HMGCLL1: variants seen among roughly 807,000 people sequenced by gnomAD.
HMGCLL1 encodes 3-hydroxy-3-methylglutaryl-CoA lyase like 1.
A neutral mutation model predicts 39.1 loss-of-function variants in HMGCLL1; 36 were observed. That is an observed-to-expected ratio of 0.92 (90% CI 0.71 to 1.22). The LOEUF (loss-of-function observed/expected upper bound fraction) is 1.22. HMGCLL1 is among the 50% of genes most tolerant of loss of function. The pLI, the probability that HMGCLL1 is intolerant of heterozygous loss-of-function variation, is 0.00. For missense variants in HMGCLL1, 451 were observed against 416.5 expected (o/e 1.08, Z -0.72); for synonymous variants, 149 against 144.0 (o/e 1.03, Z -0.25).
the HMGCLL1 span, among the ~76,000 whole-genome samples, chr6:55,645,970 A>G: frequency 6.6e-6 from 1 of 151,876 alleles, no homozygotes; most frequent in African/African-American, 2.4e-5. Context: ...TACAATTGGC[A>G]TTAGTTCTTC....
the HMGCLL1 span, among the ~76,000 whole-genome samples, chr6:55,667,690 C>A: frequency 6.6e-6 from 1 of 151,744 alleles, no homozygotes; most frequent in East Asian, 1.9e-4. Flanking sequence ...ATTCTAAGCA[C>A]AACTGGAGAG....
intron 7 of HMGCLL1, among the ~76,000 whole-genome samples, chr6:55,486,743 C>T (rs1461089218): frequency 6.6e-6 from 1 of 152,046 alleles, no homozygotes; most frequent in Non-Finnish European, 1.5e-5. Context: ...TTATCTCCCC[C>T]CTTGTCAGTT....
At chr6:55,620,392 T>G in the HMGCLL1 span, among the ~76,000 whole-genome samples, 1 of 152,164 alleles carries the variant, frequency 6.6e-6, no homozygotes, top group Non-Finnish European at 1.5e-5. Flanking sequence ...CCATTTTAAC[T>G]GGGATGAGAT....
At position 55,435,733 on chromosome 6, in the gene HMGCLL1, C is replaced by T. The variant is rs750932567; in HGVS notation, c.952G>A (p.Gly318Ser). ...GVNLYKVMEA[G>S]DFICKAVNKT... ...TTCACAGCTTTGCAAATAAAGTCAC[C>T]AGCTTCCATCACTTTGTATAGATTC... The change falls in exon 9 of 9, where the codon GGT (glycine) becomes AGT (serine). Residue 318 changes from glycine (G) to serine (S), a missense_variant. Physicochemically the swap from Gly to Ser is moderately conservative, Grantham distance 56 (BLOSUM62 0). Coordinates refer to ENST00000274901, the MANE Select transcript of HMGCLL1 (RefSeq NM_001042406.2). 6.2e-7 allele frequency: 1 copy of T among 1,602,858 alleles called. No homozygotes were observed. Among genetic ancestry groups the T allele is most frequent in the African/African-American group, 1.3e-5 (1 of 74,422 alleles).
At chr6:55,590,912 G>T in the HMGCLL1 span, among the ~76,000 whole-genome samples, 5 of 151,986 alleles carry the variant, frequency 3.3e-5, no homozygotes, top group African/African-American at 1.2e-4. Flanking sequence ...TTTTAACTAT[G>T]TGTATGAATT....
In HMGCLL1 at chr6:55,484,613, T is replaced by C. The variant is rs550555169; in HGVS notation, c.795+10806A>G. ...TCCATTTTGGTTGATGGCAGTTTCA[T>C]CCTTCCAGTTGCTCACTCGAATGTC... On this transcript the variant is annotated intron_variant, in intron 7 of 8. Transcript: ENST00000274901. Among the ~76,000 whole-genome samples, 29 of 152,262 alleles carry C rather than the reference T, an allele frequency of 1.9e-4. No individual in the cohort carries two copies. The South Asian group carries it at 6.0e-3, about 32-fold the overall frequency.
the HMGCLL1 span, among the ~76,000 whole-genome samples, chr6:55,662,394 G>C: frequency 2.0e-5 from 3 of 151,622 alleles, no homozygotes; most frequent in Non-Finnish European, 4.4e-5. Flanking sequence ...TTAACAAGAG[G>C]GCTGTCGAAT....
At chr6:55,469,393 A>G (rs1764938247) in intron 7 of HMGCLL1, among the ~76,000 whole-genome samples, 1 of 141,116 alleles carries the variant, frequency 7.1e-6, no homozygotes, top group Middle Eastern at 3.6e-3. Context: ...ACACATATAT[A>G]CATATATATG....
At chr6:55,540,439 G>A (rs1246834474) in intron 3 of HMGCLL1, among the ~76,000 whole-genome samples, 2 of 152,082 alleles carry the variant, frequency 1.3e-5, no homozygotes, top group Non-Finnish European at 2.9e-5. Flanking sequence ...ACATGATAAG[G>A]AGAGACATGA....
intron 3 of HMGCLL1, among the ~76,000 whole-genome samples, chr6:55,535,290 A>G (rs1768949094): frequency 6.6e-6 from 1 of 152,244 alleles, no homozygotes; most frequent in South Asian, 2.1e-4. Flanking sequence ...TCTTATAAGG[A>G]AGCAACACTA....
chr6:55,484,932 A>G (rs1373567257), intron 7 of HMGCLL1, among the ~76,000 whole-genome samples: 1 of 152,018 alleles, frequency 6.6e-6, no homozygotes, highest in Admixed American at 6.6e-5. Flanking sequence ...CATTTCACTC[A>G]AAGAAAAAGC....
chr6:55,477,771 T>C (rs149934305), intron 7 of HMGCLL1, among the ~76,000 whole-genome samples: 19 of 150,198 alleles, frequency 1.3e-4, no homozygotes, highest in African/African-American at 4.4e-4. Context: ...AAAACAAACT[T>C]TTCTGTGATG....
At chr6:55,650,100 T>TAC in the HMGCLL1 span, among the ~76,000 whole-genome samples, 1 of 33,180 alleles carries the variant, frequency 3.0e-5, no homozygotes, top group Non-Finnish European at 4.8e-5. Flanking sequence ...CATATATATA[T>TAC]ATATATATAT....
intron 3 of HMGCLL1, among the ~76,000 whole-genome samples, chr6:55,530,921 G>A (rs1252729026): frequency 2.0e-5 from 3 of 152,094 alleles, no homozygotes; most frequent in East Asian, 3.9e-4. Context: ...TCTTTAAAAC[G>A]CATTATCCTA....
chr6:55,566,945 A>G (rs1771247462), intron 1 of HMGCLL1, among the ~76,000 whole-genome samples: 1 of 152,128 alleles, frequency 6.6e-6, no homozygotes. Context: ...AAAATCACCT[A>G]AAGTTTAATA....
intron 3 of HMGCLL1, among the ~76,000 whole-genome samples, chr6:55,538,683 G>T (rs949928279): frequency 1.6e-4 from 24 of 152,166 alleles, no homozygotes; most frequent in East Asian, 1.5e-3. Context: ...CAGACTGATT[G>T]ATTTATTTTT....
At chr6:55,645,955 T>G in the HMGCLL1 span, among the ~76,000 whole-genome samples, 1 of 151,926 alleles carries the variant, frequency 6.6e-6, no homozygotes. Context: ...TTGGAATAAT[T>G]TGAGTACAAT....
intron 7 of HMGCLL1, among the ~76,000 whole-genome samples, chr6:55,486,850 C>T (rs116633396): frequency 2.2e-4 from 33 of 152,154 alleles, no homozygotes; most frequent in African/African-American, 5.5e-4. Context: ...GGGAAGTCCA[C>T]GATAAAAGTG....
the HMGCLL1 span, among the ~76,000 whole-genome samples, chr6:55,615,368 C>T: frequency 6.6e-6 from 1 of 152,078 alleles, no homozygotes; most frequent in Non-Finnish European, 1.5e-5. Context: ...AAAGGTGAAT[C>T]TCAAGCTAGC....
Sources: allele counts gnomAD v4.1 joint callset (sites outside exome capture counted in the v4.1 genomes callset), GRCh38; gene constraint gnomAD v4.1.1; transcripts MANE v1.5; gene names NCBI Gene and HGNC (gene_info 2026-07-23, HGNC 2026-07-21).